ELMOD1: variants seen among roughly 807,000 people sequenced by gnomAD.
ELMOD1 encodes the protein ELMO domain containing 1.
A neutral mutation model predicts 46.7 loss-of-function variants in ELMOD1; 21 were observed. The observed-to-expected ratio is 0.45, with a 90% confidence interval of 0.32 to 0.65. ELMOD1 has a LOEUF of 0.65. Ranked by LOEUF, ELMOD1 falls within the 30% of genes least tolerant of loss-of-function variation. The probability of loss-of-function intolerance (pLI) is 0.04; values close to 1 mark genes in which losing one functional copy is unlikely to be tolerated. For synonymous variants in ELMOD1, 122 were observed against 138.2 expected (o/e 0.88, Z 0.82); for missense variants, 348 against 407.8 (o/e 0.85, Z 1.26).
At chr11:107,607,590 C>T (rs1865707165) in intron 1 of ELMOD1, among the ~76,000 whole-genome samples, 1 of 152,022 alleles carries the variant, frequency 6.6e-6, no homozygotes, top group Admixed American at 6.6e-5. Flanking sequence ...CCTGGGGGTC[C>T]AGGCCACAGT....
chr11:107,642,038 G>T (rs1175063066), intron 6 of ELMOD1, among the ~76,000 whole-genome samples: 1 of 147,886 alleles, frequency 6.8e-6, no homozygotes, highest in African/African-American at 2.5e-5. Context: ...TCTGCCTCCC[G>T]GGTTCAAGCA....
intron 1 of ELMOD1, among the ~76,000 whole-genome samples, chr11:107,599,265 G>A (rs919544940): frequency 7.2e-5 from 11 of 152,134 alleles, no homozygotes; most frequent in Non-Finnish European, 1.3e-4. Flanking sequence ...CATTCCAAGA[G>A]AAAATTTTTT....
At chr11:107,600,042 T>A (rs1865570774) in intron 1 of ELMOD1, among the ~76,000 whole-genome samples, 1 of 152,124 alleles carries the variant, frequency 6.6e-6, no homozygotes, top group South Asian at 2.1e-4. Flanking sequence ...ATTATGTGGA[T>A]GGCACCTTTT....
intron 11 of ELMOD1, 108 bp from the exon 12 acceptor site, chr11:107,664,917 G>A (rs1208378148): frequency 5.1e-6 from 5 of 985,392 alleles, no homozygotes; most frequent in African/African-American, 5.0e-5. Flanking sequence ...TGAGCTCCAC[G>A]GTTGCTGTGG....
chr11:107,665,261 T>G lies in ELMOD1; in HGVS notation c.*64T>G. On this transcript the variant is annotated 3_prime_UTR_variant, in exon 12 of 12. Coordinates refer to ENST00000265840, the MANE Select transcript of ELMOD1 (RefSeq NM_018712.4). The stretch of plus-strand genomic sequence containing the variant: ...CCTCATTGTCTTGTTAGATCTCTGC[T>G]TAGGTCGCAGCTCACGCATTGAATG... The G allele has an allele frequency of 1.3e-6, 2 of 1,537,402 alleles. No individual in the cohort carries two copies.
intron 9 of ELMOD1, among the ~76,000 whole-genome samples, chr11:107,651,563 C>T (rs1446630475): frequency 2.0e-5 from 3 of 152,114 alleles, no homozygotes; most frequent in Middle Eastern, 3.2e-3. Flanking sequence ...TTACACTTCC[C>T]AAATTTACAT....
At chr11:107,593,393 C>T (rs1201568060) in intron 1 of ELMOD1, among the ~76,000 whole-genome samples, 2 of 152,048 alleles carry the variant, frequency 1.3e-5, no homozygotes, top group Non-Finnish European at 2.9e-5. Context: ...GTAAAATCTT[C>T]GATAAATTGT....
At chr11:107,638,083 A>G (rs530021922) in intron 6 of ELMOD1, among the ~76,000 whole-genome samples, 1 of 152,266 alleles carries the variant, frequency 6.6e-6, no homozygotes, top group South Asian at 2.1e-4. Flanking sequence ...ACCGTGACCC[A>G]GAATAAGTCG....
At position 107,630,707 on chromosome 11, in the gene ELMOD1, A is replaced by G. The variant is rs552381590; in HGVS notation, c.171A>G (p.Ser57=). ...GASRTMKIET[S]LRDSKSKLLQ... ...TTGTTGCTGCTTTCACAGAAACATC[A>G]CTGAGGGATTCTAAAAGTAAGGTAA... Residue 57 remains serine (S), a synonymous_variant, in exon 4 of 12, where the codon TCA becomes TCG. Transcript: ENST00000265840. 1 of 1,608,222 alleles carries G rather than the reference A, an allele frequency of 6.2e-7. No individual in the cohort carries two copies.
At chr11:107,647,409 A>C in intron 6 of ELMOD1, 59 bp from the exon 7 acceptor site, 2 of 1,533,260 alleles carry the variant, frequency 1.3e-6, no homozygotes, top group Non-Finnish European at 1.8e-6. Context: ...TAGTTTACAA[A>C]ATCTGAACCA....
chr11:107,616,204 C>T (rs1338056300), intron 1 of ELMOD1, among the ~76,000 whole-genome samples: 1 of 151,970 alleles, frequency 6.6e-6, no homozygotes, highest in African/African-American at 2.4e-5. Context: ...CCATGTTGGC[C>T]AGGCTGGTCT....
At chr11:107,630,117 G>T (rs867551006) in intron 2 of ELMOD1, among the ~76,000 whole-genome samples, 1 of 152,122 alleles carries the variant, frequency 6.6e-6, no homozygotes, top group South Asian at 2.1e-4. Flanking sequence ...TGTTTTCAAG[G>T]TACTCATTTA....
chr11:107,623,200 A>C (rs1481419854), intron 2 of ELMOD1: 1 of 151,720 alleles, frequency 6.6e-6, no homozygotes, highest in African/African-American at 2.4e-5. Context: ...ATTTTAAATT[A>C]TTTTGCTCCC....
chr11:107,621,361 A>G (rs533853344), intron 2 of ELMOD1, among the ~76,000 whole-genome samples: 36 of 152,360 alleles, frequency 2.4e-4, no homozygotes, highest in African/African-American at 8.7e-4. Context: ...CAATCAAGGG[A>G]AAAAACTATT....
intron 1 of ELMOD1, among the ~76,000 whole-genome samples, chr11:107,599,748 A>AAAAAAAAG (rs1404236486): frequency 0.015 from 2,226 of 144,392 alleles, 84 homozygotes; most frequent in African/African-American, 0.056. Context: ...CTCAAAAAAA[A>AAAAAAAAG]AAAGAAAAAA....
At position 107,665,454 on chromosome 11, in the gene ELMOD1, G is replaced by A. The variant is rs1267859236; in HGVS notation, c.*257G>A. The A allele has an allele frequency of 2.9e-6, 1 of 349,082 alleles. No individual in the cohort carries two copies. The highest frequency in any genetic ancestry group is 4.5e-5 in the East Asian group (1 of 22,082). 21.6% of individuals were successfully genotyped at this position (349,082 alleles called of 1,614,324 possible). A position where few individuals can be genotyped will look rare whatever the true frequency, so the allele number is the denominator to read the frequency against. On this transcript the variant is annotated 3_prime_UTR_variant, in exon 12 of 12. Transcript: ENST00000265840. ...GCCTTGATACCCAGGTATGGAGAGA[G>A]TTTTCTATTTTTTTAGACTTTTTTT...
chr11:107,600,457 A>G (rs1019155646), intron 1 of ELMOD1: 1 of 152,214 alleles, frequency 6.6e-6, no homozygotes, highest in African/African-American at 2.4e-5. Context: ...ACAGTTCTGC[A>G]ACAATATCTC....
At chr11:107,650,610 G>C (rs779196499) in intron 8 of ELMOD1, among the ~76,000 whole-genome samples, 3 of 152,174 alleles carry the variant, frequency 2.0e-5, no homozygotes, top group African/African-American at 7.2e-5. Context: ...CCGTTCAGGT[G>C]AGATATGTAT....
intron 7 of ELMOD1, 91 bp from the exon 8 acceptor site, chr11:107,650,243 TG>T: frequency 1.1e-6 from 1 of 898,510 alleles, no homozygotes; most frequent in African/African-American, 1.6e-5. Context: ...TATCCATCTC[TG>T]GATTCAAAAT....
Sources: allele counts gnomAD v4.1 joint callset (sites outside exome capture counted in the v4.1 genomes callset), GRCh38; gene constraint gnomAD v4.1.1; transcripts MANE v1.5; gene names NCBI Gene and HGNC (gene_info 2026-07-23, HGNC 2026-07-21).